The following CXADR variants were observed in gnomAD, a reference collection of about 807,000 sequenced individuals.
CXADR encodes CXADR cell adhesion molecule, also known as coxsackievirus and adenovirus receptor.
Under a neutral mutation model 40.3 loss-of-function variants are expected in CXADR, and 20 were observed. That is an observed-to-expected ratio of 0.50 (90% CI 0.35 to 0.72). The LOEUF (loss-of-function observed/expected upper bound fraction) is 0.72. CXADR is among the 30% of genes least tolerant of loss of function. The probability of loss-of-function intolerance (pLI) is 0.01; values close to 1 mark genes in which losing one functional copy is unlikely to be tolerated. For missense variants in CXADR, 332 were observed against 449.1 expected (o/e 0.74, Z 2.36); for synonymous variants, 150 against 161.3 (o/e 0.93, Z 0.53).
At position 17,567,479 on chromosome 21, in the gene CXADR, G is replaced by T; in HGVS notation, c.*1787G>T. 3 of 985,344 alleles carry T rather than the reference G, an allele frequency of 3.0e-6. No individual in the cohort carries two copies. Among genetic ancestry groups the T allele is most frequent in the Non-Finnish European group, 3.6e-6 (3 of 829,880 alleles). The allele number at this position is 985,344 out of a possible 1,614,324, so 61.0% of individuals were successfully genotyped here. ...GAGCTAGCTATCACCTACCTGAAAG[G>T]TGCTTAGAGGTGAAGGTACTGTTTC... On this transcript the variant is annotated 3_prime_UTR_variant, in exon 7 of 7. Coordinates refer to ENST00000284878, the MANE Select transcript of CXADR (RefSeq NM_001338.5).
At position 17,559,719 on chromosome 21, in the gene CXADR, C is replaced by T. The variant is rs1299498305; in HGVS notation, c.571+588C>T. ...GAGACAAGGGGTCTCGCTCTGTCAC[C>T]CAGGCTGGGCGTGCAGTGGTAGAAT... On this transcript the variant is annotated intron_variant, in intron 4 of 6. Transcript: ENST00000284878. Among the ~76,000 whole-genome samples, 3 of 143,706 alleles carry T rather than the reference C, an allele frequency of 2.1e-5. No individual in the cohort carries two copies. In the South Asian group the frequency reaches 6.6e-4, roughly 32 times the overall value. 94.3% of individuals were successfully genotyped at this position (143,706 alleles called of 152,430 possible). A position where few individuals can be genotyped will look rare whatever the true frequency, so the allele number is the denominator to read the frequency against.
At chr21:17,554,037 T>A (rs2123279489) in intron 3 of CXADR, among the ~76,000 whole-genome samples, 1 of 152,368 alleles carries the variant, frequency 6.6e-6, no homozygotes, top group Admixed American at 6.5e-5. Flanking sequence ...GAATATTAAC[T>A]GGTTCATGAT....
At chr21:17,528,068 CT>C (rs35477813) in intron 1 of CXADR, among the ~76,000 whole-genome samples, 5,480 of 78,396 alleles carry the variant, frequency 0.07, 349 homozygotes, top group African/African-American at 0.25. Flanking sequence ...TTAGTTCTTT[CT>C]TTTTTTTTTT....
At position 17,568,197 on chromosome 21, in the gene CXADR, C is replaced by T. The variant is rs1343569674; in HGVS notation, c.*2505C>T. 7.3e-6 allele frequency: 7 copies of T among 952,742 alleles called. No individual in the cohort carries two copies. The highest frequency in any genetic ancestry group is 4.9e-5 in the South Asian group (1 of 20,506). The allele number at this position is 952,742 out of a possible 1,614,324, so 59.0% of individuals were successfully genotyped here. A position where few individuals can be genotyped will look rare whatever the true frequency, so the allele number is the denominator to read the frequency against. On this transcript the variant is annotated 3_prime_UTR_variant, in exon 7 of 7. Coordinates refer to ENST00000284878, the MANE Select transcript of CXADR (RefSeq NM_001338.5). ...AGGCTGGAGTGCAGTGGCGGGATCT[C>T]GGCTCACTGCAAGCTCCGCCTCCCA... is the stretch of plus-strand genomic sequence containing the variant.
At chr21:17,556,718 A>G (rs2061040756) in intron 3 of CXADR, among the ~76,000 whole-genome samples, 1 of 152,250 alleles carries the variant, frequency 6.6e-6, no homozygotes, top group African/African-American at 2.4e-5. Context: ...AGATTGAAAA[A>G]TAAACAGATT....
chr21:17,635,188 C>T, the CXADR span, among the ~76,000 whole-genome samples: 4 of 152,148 alleles, frequency 2.6e-5, no homozygotes, highest in African/African-American at 4.8e-5. Flanking sequence ...GACCTAGAGA[C>T]GTAAAGTCCT....
chr21:17,513,134 C>A lies in CXADR; in HGVS notation c.5C>A (p.Ala2Glu). 2 of 1,361,452 alleles carry A rather than the reference C, an allele frequency of 1.5e-6. No homozygotes were observed. The highest frequency in any genetic ancestry group is 9.5e-7 in the Non-Finnish European group (1 of 1,053,558). The allele number at this position is 1,361,452 out of a possible 1,614,324, so 84.3% of individuals were successfully genotyped here. The change falls in exon 1 of 7, where the codon GCG (alanine) becomes GAG (glutamate). Residue 2 changes from alanine (A) to glutamate (E), a missense_variant. By Grantham distance (107) the Ala-to-Glu change is moderately radical. Transcript: ENST00000284878. ...GCCCACGGCACGGCAGCCACCATGGCGCTCCTGCTGTGCTTCGTGCTCCTG... is the reference window on the plus strand; with the variant it reads ...GCCCACGGCACGGCAGCCACCATGGAGCTCCTGCTGTGCTTCGTGCTCCTG... M[A>E]LLLCFVLLCG...
chr21:17,617,043 T>C, the CXADR span, among the ~76,000 whole-genome samples: 2 of 152,236 alleles, frequency 1.3e-5, no homozygotes, highest in African/African-American at 4.8e-5. Context: ...ACCTCCTATT[T>C]TGAGTTGCAT....
chr21:17,518,829 C>T (rs2060493241), intron 1 of CXADR: 1 of 1,562,610 alleles, frequency 6.4e-7, no homozygotes. Context: ...TCATGTTCAT[C>T]TCTTCAATAC....
Position 17,561,520 on chromosome 21 carries a change from T to G in CXADR, c.833+44T>G, listed in dbSNP as rs191648127. On this transcript the variant is annotated intron_variant, in intron 6 of 6. Transcript: ENST00000284878. ...AGTTGACTGATGTATACCAAATATA[T>G]GTCATTTCTCTAAAGCATTCGTTCT... 10 of 1,524,838 alleles carry G rather than the reference T, an allele frequency of 6.6e-6. No homozygotes were observed. In the South Asian group the frequency reaches 1.1e-4, roughly 17 times the overall value. 94.5% of individuals were successfully genotyped at this position (1,524,838 alleles called of 1,614,324 possible).
At chr21:17,560,926 C>G in intron 5 of CXADR, 102 bp downstream of exon 5, 2 of 1,501,110 alleles carry the variant, frequency 1.3e-6, no homozygotes, top group South Asian at 1.4e-5. Context: ...GGGACACTGA[C>G]TTTGATCAGA....
chr21:17,527,807 T>C (rs1211359741), intron 1 of CXADR, among the ~76,000 whole-genome samples: 2 of 151,636 alleles, frequency 1.3e-5, no homozygotes, highest in African/African-American at 4.8e-5. Flanking sequence ...TATTTTTATT[T>C]ATTTATTTAT....
chr21:17,537,841 A>C lies in CXADR; in HGVS notation c.44-9186A>C, dbSNP rs184537582. On this transcript the variant is annotated intron_variant, in intron 1 of 6. Coordinates refer to ENST00000284878, the MANE Select transcript of CXADR (RefSeq NM_001338.5). ...CAAATGTGAAATAGTCCCTGGAGGCAGAGGGTGAGCGCAGTTTCAGTAAAG... is the reference window on the plus strand; with the variant it reads ...CAAATGTGAAATAGTCCCTGGAGGCCGAGGGTGAGCGCAGTTTCAGTAAAG... Among the ~76,000 whole-genome samples, 33 of 152,210 alleles carry C rather than the reference A, an allele frequency of 2.2e-4. 1 individual carries two copies. The East Asian group carries it at 6.4e-3, about 29-fold the overall frequency.
chr21:17,612,930 G>A, the CXADR span: 1 of 151,988 alleles, frequency 6.6e-6, no homozygotes, highest in African/African-American at 2.4e-5. Context: ...GCGCGCAGGG[G>A]GCTCGCGGCC....
At chr21:17,614,646 G>A in the CXADR span, among the ~76,000 whole-genome samples, 1 of 152,096 alleles carries the variant, frequency 6.6e-6, no homozygotes, top group Non-Finnish European at 1.5e-5. Context: ...TGAAGGCTGG[G>A]GTGAGAGGAT....
At chr21:17,587,490 GTGA>G (rs1346687195) in intron 7 of CXADR, among the ~76,000 whole-genome samples, 1 of 152,214 alleles carries the variant, frequency 6.6e-6, no homozygotes, top group Non-Finnish European at 1.5e-5. Flanking sequence ...CTGATGGCCA[GTGA>G]TGATGAGCAT....
chr21:17,578,527 A>C (rs1022205153), intron 7 of CXADR, among the ~76,000 whole-genome samples: 4 of 152,362 alleles, frequency 2.6e-5, no homozygotes, highest in Non-Finnish European at 5.9e-5. Flanking sequence ...CACTTAGAAC[A>C]GTGGATTAAA....
intron 3 of CXADR, among the ~76,000 whole-genome samples, chr21:17,555,611 A>G (rs1039584528): frequency 6.6e-6 from 1 of 151,596 alleles, no homozygotes; most frequent in Non-Finnish European, 1.5e-5. Context: ...TAGAATCCAC[A>G]TGGCATTTAT....
the CXADR span, among the ~76,000 whole-genome samples, chr21:17,630,919 T>G: frequency 6.6e-6 from 1 of 152,040 alleles, no homozygotes. Flanking sequence ...AGTGCAGAAT[T>G]CGAAACGCAG....
Sources: gnomAD v4.1 joint callset for allele counts (sites outside exome capture counted in the v4.1 genomes callset) on GRCh38, gnomAD v4.1.1 for gene constraint, MANE v1.5 for transcripts, NCBI Gene and HGNC (gene_info 2026-07-23, HGNC 2026-07-21) for gene names.